Variants in KAT6B observed in about 807,000 individuals in gnomAD.
KAT6B encodes the protein histone acetyltransferase KAT6B.
A neutral mutation model predicts 187.5 loss-of-function variants in KAT6B; 10 were observed. That is an observed-to-expected ratio of 0.05 (90% CI 0.03 to 0.09). The LOEUF (loss-of-function observed/expected upper bound fraction) is 0.09. Ranked by LOEUF, KAT6B falls within the 10% of genes least tolerant of loss-of-function variation. The pLI is 1.00. For synonymous variants in KAT6B, 861 were observed against 926.8 expected, an observed-to-expected ratio of 0.93 and a Z score of 1.29; for missense variants, 1,952 against 2,558.9, an observed-to-expected ratio of 0.76 and a Z score of 5.12.
At chr10:74,830,750 A>ATATATATGTATATATATATATATATG (rs1840721218) in intron 1 of KAT6B, among the ~76,000 whole-genome samples, 1 of 20,738 alleles carries the variant, frequency 4.8e-5, no homozygotes, top group African/African-American at 3.6e-4. Context: ...ATATATATAT[A>ATATATATGTATATATATATATATATG]TATATATATA....
At chr10:74,974,820 A>G (rs1286185363) in intron 7 of KAT6B, among the ~76,000 whole-genome samples, 1 of 152,304 alleles carries the variant, frequency 6.6e-6, no homozygotes, top group Admixed American at 6.5e-5. Context: ...AGAGAGTATT[A>G]TTGGTTATCT....
At position 74,979,322 on chromosome 10, in the gene KAT6B, C is replaced by T; in HGVS notation, c.2214C>T (p.Tyr738=). ...YEIQTWYSSP[Y]PQEYARLPKL... ...TCCAAACCTGGTACTCCTCGCCTTA[C>T]CCACAGGAATATGCAAGGTAATGGA... is the stretch of plus-strand genomic sequence containing the variant. Residue 738 remains tyrosine, a synonymous_variant, in exon 10 of 18, where the codon TAC becomes TAT. Transcript: ENST00000287239. The T allele has an allele frequency of 6.2e-7, 1 of 1,609,474 alleles. No individual in the cohort carries two copies. The highest frequency in any genetic ancestry group is 8.5e-7 in the Non-Finnish European group (1 of 1,175,888).
chr10:74,886,622 G>A (rs1845293189), intron 3 of KAT6B, among the ~76,000 whole-genome samples: 1 of 152,148 alleles, frequency 6.6e-6, no homozygotes, highest in South Asian at 2.1e-4. Context: ...GATGCTCTTA[G>A]GTGGAAACCC....
intron 13 of KAT6B, among the ~76,000 whole-genome samples, chr10:75,015,312 G>C (rs1844901642): frequency 2.0e-5 from 3 of 152,172 alleles, no homozygotes; most frequent in Admixed American, 6.5e-5. Flanking sequence ...GGAGGCACCT[G>C]TATCTTTTAA....
Position 75,029,441 on chromosome 10 carries a change from T to A in KAT6B, c.4617T>A (p.Ser1539=), listed in dbSNP as rs757461393. 1.9e-6 allele frequency: 3 copies of A among 1,614,106 alleles called. No individual in the cohort carries two copies. Among genetic ancestry groups the A allele is most frequent in the Non-Finnish European group, 1.7e-6 (2 of 1,180,012 alleles). ...ACCCAGCAACCATGGAAATCGACTC[T>A]GAGACTGTCCAGGCCGTTCAGTCTT... ...EGNPATMEID[S]ETVQAVQSLT... Residue 1539 remains serine (S), a synonymous_variant, in exon 18 of 18, where the codon TCT becomes TCA. Coordinates refer to ENST00000287239, the MANE Select transcript of KAT6B (RefSeq NM_012330.4). This position sits in a 1 kb window ranked among gnomAD's most constrained non-coding sequence, Gnocchi z 6.2.
rs544977568 is a variant in KAT6B at position 74,950,906 on chromosome 10, C to T, written c.622-9064C>T. 3.4e-4 allele frequency among the ~76,000 whole-genome samples: 52 copies of T among 151,908 alleles called. 1 individual carries two copies. Among genetic ancestry groups the T allele is most frequent in the Middle Eastern group, 3.4e-3 (1 of 294 alleles). ...GGCAGGTGGATCACTTGAGCCCAGG[C>T]GTTCGAGATCAGCCTGGGCAACATG... On this transcript the variant is annotated intron_variant, in intron 3 of 17. Transcript: ENST00000287239.
At chr10:74,896,491 T>C (rs1845998388) in intron 3 of KAT6B, among the ~76,000 whole-genome samples, 1 of 152,176 alleles carries the variant, frequency 6.6e-6, no homozygotes, top group Non-Finnish European at 1.5e-5. Context: ...GGTTTCACTA[T>C]TTTGGCCAGG....
chr10:74,855,250 C>T (rs953966706), intron 3 of KAT6B, among the ~76,000 whole-genome samples: 2 of 152,136 alleles, frequency 1.3e-5, no homozygotes, highest in Non-Finnish European at 2.9e-5. Flanking sequence ...TCTGGGCTGC[C>T]TAGGGTGTTC....
At chr10:74,828,457 GTT>G (rs11350370) in intron 1 of KAT6B, among the ~76,000 whole-genome samples, 16,626 of 147,018 alleles carry the variant, frequency 0.11, 2,139 homozygotes, top group African/African-American at 0.31. Flanking sequence ...GGTTTTTTGT[GTT>G]TTTTTTTTTT....
In KAT6B at chr10:74,827,445, G is replaced by C. The variant is rs74634963; in HGVS notation, c.-329+660G>C. On this transcript the variant is annotated intron_variant, in intron 1 of 17. Coordinates refer to ENST00000287239, the MANE Select transcript of KAT6B (RefSeq NM_012330.4). ...AGGAGCAGGTACGATTGCAGTGATGGGAAAGAGGTATCTGGGTGGATCGCA... is the reference window on the plus strand; with the variant it reads ...AGGAGCAGGTACGATTGCAGTGATGCGAAAGAGGTATCTGGGTGGATCGCA... Among the ~76,000 whole-genome samples, 822 of 152,110 alleles carry C rather than the reference G, an allele frequency of 5.4e-3. 2 individuals are homozygous for C. The highest frequency in any genetic ancestry group is 8.2e-3 in the Non-Finnish European group (556 of 67,986).
intron 3 of KAT6B, among the ~76,000 whole-genome samples, chr10:74,922,364 G>A (rs1848197827): frequency 1.3e-5 from 2 of 152,078 alleles, no homozygotes; most frequent in African/African-American, 4.8e-5. Flanking sequence ...TCAAATTTAG[G>A]AAGTGCCCTC....
At chr10:74,968,778 TACA>T (rs1841654087) in intron 4 of KAT6B, among the ~76,000 whole-genome samples, 1 of 152,182 alleles carries the variant, frequency 6.6e-6, no homozygotes, top group Non-Finnish European at 1.5e-5. Flanking sequence ...TTTTAAACTG[TACA>T]GCCTTCCAAA....
chr10:74,967,941 A>C (rs1358107310), intron 4 of KAT6B, among the ~76,000 whole-genome samples: 1 of 152,220 alleles, frequency 6.6e-6, no homozygotes, highest in Non-Finnish European at 1.5e-5. Flanking sequence ...AATTGAGGTC[A>C]TATGTGCCCA....
chr10:74,965,786 C>T (rs1360053462), intron 4 of KAT6B, among the ~76,000 whole-genome samples: 3 of 150,572 alleles, frequency 2.0e-5, no homozygotes, highest in African/African-American at 7.3e-5. Flanking sequence ...AGTGCAGTGG[C>T]GTGATCTCGG....
At chr10:74,989,143 T>C (rs1842978177) in intron 13 of KAT6B, 31 bp downstream of exon 13, 1 of 1,483,870 alleles carries the variant, frequency 6.7e-7, no homozygotes, top group African/African-American at 1.4e-5. Context: ...ACTTTCATGA[T>C]CCAGGAAGCT....
rs1421625053 is a variant in KAT6B at position 75,020,595 on chromosome 10, T to C, written c.2643T>C (p.Ser881=). The C allele has an allele frequency of 2.5e-6, 4 of 1,614,016 alleles. No individual in the cohort carries two copies. The highest frequency in any genetic ancestry group is 1.7e-5 in the Admixed American group (1 of 60,010). Residue 881 remains serine, a synonymous_variant, in exon 14 of 18, where the codon TCT becomes TCC. Transcript: ENST00000287239. Reference sequence around the variant, plus strand: ...TTTCTGCCCTAGGCTATTTGCTTTCTAGAAGAGAAGGCCAAGCAGGGTCTC... The same window carrying C: ...TTTCTGCCCTAGGCTATTTGCTTTCCAGAAGAGAAGGCCAAGCAGGGTCTC... ...RFLIDFSYLL[S]RREGQAGSPE...
At chr10:74,927,254 A>C (rs1020984214) in intron 3 of KAT6B, among the ~76,000 whole-genome samples, 4 of 152,160 alleles carry the variant, frequency 2.6e-5, no homozygotes, top group Non-Finnish European at 5.9e-5. Context: ...CCCATAGTAT[A>C]GTAATGAATT....
At chr10:74,930,867 A>G (rs1386251302) in intron 3 of KAT6B, among the ~76,000 whole-genome samples, 1 of 151,996 alleles carries the variant, frequency 6.6e-6, no homozygotes, top group Non-Finnish European at 1.5e-5. Context: ...TTCCCCCTCG[A>G]CCTTTTACAG....
At chr10:74,922,617 A>G (rs1292312692) in intron 3 of KAT6B, among the ~76,000 whole-genome samples, 1 of 152,210 alleles carries the variant, frequency 6.6e-6, no homozygotes, top group Non-Finnish European at 1.5e-5. Flanking sequence ...GAATTTAGAC[A>G]TTTCTTCATG....
Sources: allele counts gnomAD v4.1 joint callset (sites outside exome capture counted in the v4.1 genomes callset), GRCh38; gene constraint gnomAD v4.1.1; non-coding constraint Gnocchi (gnomAD v3.1); transcripts MANE v1.5; gene names NCBI Gene and HGNC (gene_info 2026-07-23, HGNC 2026-07-21).